LRP1B: variants seen among roughly 807,000 people sequenced by gnomAD.
LRP1B encodes the protein LDL receptor related protein 1B.
Under a neutral mutation model 556.6 loss-of-function variants are expected in LRP1B, and 217 were observed. The ratio of observed to expected loss-of-function variants is 0.39; its 90% CI spans 0.35 to 0.44. The LOEUF (loss-of-function observed/expected upper bound fraction) is 0.44. Among genes scored for constraint, LRP1B ranks in the 20% least tolerant of loss-of-function variants. The pLI is 1.00. For synonymous variants in LRP1B, 2,047 were observed against 1,865.8 expected (o/e 1.10, Z -2.50); for missense variants, 5,053 against 5,620.8 (o/e 0.90, Z 3.23).
intron 45 of LRP1B, among the ~76,000 whole-genome samples, chr2:140,537,563 G>T (rs533335157): frequency 6.6e-6 from 1 of 152,132 alleles, no homozygotes; most frequent in South Asian, 2.1e-4. Flanking sequence ...CTTTCTTGCT[G>T]CCATACATGA....
At chr2:140,450,213 T>G (rs189387881) in intron 63 of LRP1B, among the ~76,000 whole-genome samples, 49 of 152,274 alleles carry the variant, frequency 3.2e-4, no homozygotes, top group African/African-American at 1.0e-3. Flanking sequence ...TTCTGGAAAC[T>G]TGCCCATTTT....
intron 1 of LRP1B, among the ~76,000 whole-genome samples, chr2:141,939,037 T>C (rs981213719): frequency 6.6e-6 from 1 of 151,984 alleles, no homozygotes; most frequent in Admixed American, 6.6e-5. Context: ...TAGGAAGTTG[T>C]AGTTATATAG....
intron 3 of LRP1B, among the ~76,000 whole-genome samples, chr2:141,268,120 A>G (rs1048153217): frequency 6.6e-6 from 1 of 152,160 alleles, no homozygotes; most frequent in Admixed American, 6.6e-5. Context: ...ACAAAGACAA[A>G]TGCAAAGCTC....
At position 141,544,414 on chromosome 2, in the gene LRP1B, T is replaced by TCCTCCTC. The variant is rs1423875409; in HGVS notation, c.206-63882_206-63881insGAGGAGG. Among the ~76,000 whole-genome samples, 33 of 90,678 alleles carry TCCTCCTC rather than the reference T, an allele frequency of 3.6e-4. 3 individuals are homozygous for TCCTCCTC. In the East Asian group the frequency reaches 5.1e-3, roughly 14 times the overall value. The allele number at this position is 90,678 out of a possible 152,430, so 59.5% of individuals were successfully genotyped here. On this transcript the variant is annotated intron_variant, in intron 2 of 90. Coordinates refer to ENST00000389484, the MANE Select transcript of LRP1B (RefSeq NM_018557.3). ...TCCTCCTCCTCCTCCTCCTCCTCCTTCTCCTCCTTCTCCTCCTTCTCCTCC... is the reference window on the plus strand; with the variant it reads ...TCCTCCTCCTCCTCCTCCTCCTCCTTCCTCCTCCTCCTCCTTCTCCTCCTTCTCCTCC...
chr2:141,159,838 C>T (rs180701354), intron 7 of LRP1B, among the ~76,000 whole-genome samples: 242 of 152,200 alleles, frequency 1.6e-3, no homozygotes, highest in Non-Finnish European at 1.6e-3. Flanking sequence ...TCATGTCCTT[C>T]GCAGGGACAT....
chr2:141,495,917 G>C (rs16846284), intron 2 of LRP1B, among the ~76,000 whole-genome samples: 4,283 of 152,086 alleles, frequency 0.028, 207 homozygotes, highest in African/African-American at 0.098. Context: ...ATTAATGACA[G>C]CAATGGTAGA....
chr2:141,243,410 A>G (rs1315171208), intron 5 of LRP1B, among the ~76,000 whole-genome samples: 1 of 152,086 alleles, frequency 6.6e-6, no homozygotes, highest in Non-Finnish European at 1.5e-5. Flanking sequence ...TAAGCCTAGA[A>G]GTTTGCGGCT....
At chr2:141,350,127 A>G in intron 3 of LRP1B, among the ~76,000 whole-genome samples, 1 of 151,952 alleles carries the variant, frequency 6.6e-6, no homozygotes, top group East Asian at 1.9e-4. Flanking sequence ...GGGAAGACTC[A>G]CCCCCGTGAT....
intron 2 of LRP1B, among the ~76,000 whole-genome samples, chr2:141,554,130 T>C (rs1205459549): frequency 6.9e-6 from 1 of 144,822 alleles, no homozygotes; most frequent in Non-Finnish European, 1.5e-5. Flanking sequence ...ATAGATTATA[T>C]ATCTATATGA....
chr2:140,510,130 A>T (rs2104918264), intron 51 of LRP1B, 74 bp from the exon 52 acceptor site: 54 of 1,514,078 alleles, frequency 3.6e-5, no homozygotes, highest in Non-Finnish European at 4.9e-5. Flanking sequence ...TACATTTTCT[A>T]CAGTAAGGGG....
intron 1 of LRP1B, among the ~76,000 whole-genome samples, chr2:141,899,686 T>C (rs1699558798): frequency 6.6e-6 from 1 of 152,138 alleles, no homozygotes. Flanking sequence ...TGTTTTCACA[T>C]TCTTAAGTTT....
At chr2:141,260,181 T>C (rs1000796557) in intron 3 of LRP1B, among the ~76,000 whole-genome samples, 5 of 151,848 alleles carry the variant, frequency 3.3e-5, no homozygotes, top group Non-Finnish European at 7.4e-5. Flanking sequence ...AGTGAAACAC[T>C]AATCATAAGA....
At chr2:140,680,688 C>T (rs979780473) in intron 41 of LRP1B, among the ~76,000 whole-genome samples, 1 of 152,082 alleles carries the variant, frequency 6.6e-6, no homozygotes, top group Non-Finnish European at 1.5e-5. Context: ...TCTCACTATT[C>T]CCAAAGCCCA....
intron 18 of LRP1B, among the ~76,000 whole-genome samples, chr2:140,954,064 G>A (rs951427874): frequency 2.0e-5 from 3 of 152,126 alleles, no homozygotes; most frequent in African/African-American, 4.8e-5. Context: ...TATCAGAAAT[G>A]TGTCTCTAAA....
chr2:141,662,963 TA>T (rs70994444), intron 2 of LRP1B, among the ~76,000 whole-genome samples: 16 of 149,680 alleles, frequency 1.1e-4, no homozygotes, highest in Admixed American at 4.6e-4. Flanking sequence ...AAAAAATAAA[TA>T]AAAAAAAAGA....
At chr2:141,527,448 G>A (rs898247639) in intron 2 of LRP1B, among the ~76,000 whole-genome samples, 1 of 151,638 alleles carries the variant, frequency 6.6e-6, no homozygotes, top group Non-Finnish European at 1.5e-5. Flanking sequence ...TCACAACCAG[G>A]GAGGAAATTT....
intron 37 of LRP1B, among the ~76,000 whole-genome samples, chr2:140,707,305 G>C (rs1418574930): frequency 6.6e-6 from 1 of 152,058 alleles, no homozygotes; most frequent in Admixed American, 6.6e-5. Flanking sequence ...CTCTTATGTC[G>C]GCAGTTGGCC....
intron 3 of LRP1B, among the ~76,000 whole-genome samples, chr2:141,420,016 T>C (rs1300740353): frequency 6.6e-6 from 1 of 152,336 alleles, no homozygotes; most frequent in East Asian, 1.9e-4. Flanking sequence ...TGTGTATGTT[T>C]GTCAGGTACA....
intron 23 of LRP1B, among the ~76,000 whole-genome samples, chr2:140,901,653 A>AT (rs539298314): frequency 6.6e-6 from 1 of 152,136 alleles, no homozygotes; most frequent in Non-Finnish European, 1.5e-5. Context: ...AGATTAGAAA[A>AT]TTTTTTTAAA....
Sources: gnomAD v4.1 joint callset for allele counts (sites outside exome capture counted in the v4.1 genomes callset) on GRCh38, gnomAD v4.1.1 for gene constraint, MANE v1.5 for transcripts, NCBI Gene and HGNC (gene_info 2026-07-23, HGNC 2026-07-21) for gene names.